The following ST18 variants were observed in gnomAD, a reference collection of about 807,000 sequenced individuals.
ST18 encodes the protein suppression of tumorigenicity 18 protein.
A neutral mutation model predicts 110.0 loss-of-function variants in ST18; 50 were observed. The ratio of observed to expected loss-of-function variants is 0.45; its 90% CI spans 0.36 to 0.58. ST18 has a LOEUF of 0.58. ST18 is among the 20% of genes least tolerant of loss of function. ST18 has a pLI of 0.00. For synonymous variants in ST18, 461 were observed against 452.4 expected (o/e 1.02, Z -0.24); for missense variants, 1,306 against 1,280.1 (o/e 1.02, Z -0.31).
intron 19 of ST18, among the ~76,000 whole-genome samples, chr8:52,135,734 T>C (rs2131711255): frequency 6.6e-6 from 1 of 152,124 alleles, no homozygotes; most frequent in Non-Finnish European, 1.5e-5. Context: ...TTTAAAATTT[T>C]TAGATAAAAA....
At chr8:52,204,946 T>A (rs1484387844) in intron 8 of ST18, among the ~76,000 whole-genome samples, 3 of 152,126 alleles carry the variant, frequency 2.0e-5, no homozygotes, top group Non-Finnish European at 4.4e-5. Flanking sequence ...CTGCTCTTAT[T>A]TTGTTTCTGA....
At chr8:52,341,276 C>T (rs1814872098) in intron 2 of ST18, among the ~76,000 whole-genome samples, 1 of 152,204 alleles carries the variant, frequency 6.6e-6, no homozygotes, top group Non-Finnish European at 1.5e-5. Flanking sequence ...ACAGGTCTTC[C>T]ACCTGGCTTC....
intron 2 of ST18, among the ~76,000 whole-genome samples, chr8:52,248,829 G>T (rs529592495): frequency 6.6e-6 from 1 of 152,254 alleles, no homozygotes; most frequent in African/African-American, 2.4e-5. Context: ...TTGTTTTCTT[G>T]TTTTGTTGTG....
chr8:52,315,607 C>A (rs1188247221), intron 2 of ST18, among the ~76,000 whole-genome samples: 1 of 151,298 alleles, frequency 6.6e-6, no homozygotes, highest in East Asian at 1.9e-4. Flanking sequence ...ATTTAGGTTC[C>A]ATTAGAGGAG....
At chr8:52,398,097 T>C (rs1841769620) in intron 2 of ST18, among the ~76,000 whole-genome samples, 1 of 152,150 alleles carries the variant, frequency 6.6e-6, no homozygotes, top group Non-Finnish European at 1.5e-5. Flanking sequence ...TATACCTTCT[T>C]CAATTTCTGT....
chr8:52,272,801 A>T (rs962207222), intron 2 of ST18, among the ~76,000 whole-genome samples: 1 of 152,232 alleles, frequency 6.6e-6, no homozygotes, highest in Non-Finnish European at 1.5e-5. Context: ...TTAAGATGTG[A>T]AAACAACCTT....
At chr8:52,211,395 T>TATC (rs1376830452) in intron 8 of ST18, among the ~76,000 whole-genome samples, 1 of 146,988 alleles carries the variant, frequency 6.8e-6, no homozygotes, top group East Asian at 2.0e-4. Flanking sequence ...TTATTATTAT[T>TATC]ATTATTATTA....
intron 2 of ST18, among the ~76,000 whole-genome samples, chr8:52,325,428 T>C (rs1490690926): frequency 1.4e-5 from 2 of 143,756 alleles, no homozygotes; most frequent in Non-Finnish European, 3.2e-5. Flanking sequence ...CAGAAATTCA[T>C]ATGTTTCTAC....
chr8:52,237,893 G>GTT, intron 2 of ST18, among the ~76,000 whole-genome samples: 1 of 152,118 alleles, frequency 6.6e-6, no homozygotes, highest in Non-Finnish European at 1.5e-5. Context: ...CCAATCAAAA[G>GTT]TGGGCAAAGG....
At chr8:52,210,670 A>C (rs1344458416) in intron 8 of ST18, among the ~76,000 whole-genome samples, 1 of 152,172 alleles carries the variant, frequency 6.6e-6, no homozygotes, top group African/African-American at 2.4e-5. Flanking sequence ...ACCATGTCTC[A>C]AAAAAATAAA....
chr8:52,382,390 T>TA (rs113297384), intron 2 of ST18, among the ~76,000 whole-genome samples: 2,365 of 152,144 alleles, frequency 0.016, 65 homozygotes, highest in African/African-American at 0.055. Flanking sequence ...GAAGCAAAAA[T>TA]AAAAAACACT....
intron 8 of ST18, among the ~76,000 whole-genome samples, chr8:52,181,761 C>T (rs928746484): frequency 6.6e-6 from 1 of 152,092 alleles, no homozygotes; most frequent in Admixed American, 6.6e-5. Flanking sequence ...GACTGCTCTG[C>T]TCATTTGTCA....
At chr8:52,137,583 T>TA (rs2052999003) in intron 17 of ST18, 100 bp from the exon 18 acceptor site, 2 of 1,166,480 alleles carry the variant, frequency 1.7e-6, no homozygotes, top group Non-Finnish European at 1.3e-6. Context: ...CTGTGCGAGA[T>TA]AAGTTAACAC....
chr8:52,266,396 A>G (rs2094870452), intron 2 of ST18, among the ~76,000 whole-genome samples: 2 of 152,156 alleles, frequency 1.3e-5, no homozygotes, highest in Non-Finnish European at 2.9e-5. Context: ...ACAAACTGCT[A>G]GTGAAATAGA....
intron 8 of ST18, among the ~76,000 whole-genome samples, chr8:52,196,413 C>T (rs1458009644): frequency 6.6e-6 from 1 of 152,232 alleles, no homozygotes; most frequent in Non-Finnish European, 1.5e-5. Flanking sequence ...TTCACATCCT[C>T]TGTTTTTATT....
intron 2 of ST18, among the ~76,000 whole-genome samples, chr8:52,262,910 C>A (rs768531984): frequency 1.3e-5 from 2 of 152,178 alleles, no homozygotes; most frequent in African/African-American, 4.8e-5. Flanking sequence ...AAGTGACTGT[C>A]TCCCAGAAAA....
intron 2 of ST18, among the ~76,000 whole-genome samples, chr8:52,310,135 T>C (rs2095879718): frequency 6.6e-6 from 1 of 152,194 alleles, no homozygotes; most frequent in South Asian, 2.1e-4. Context: ...ATGCTTAAAA[T>C]ATGGATTATA....
intron 16 of ST18, among the ~76,000 whole-genome samples, chr8:52,145,211 GA>G (rs1022182812): frequency 6.6e-6 from 1 of 152,046 alleles, no homozygotes; most frequent in Non-Finnish European, 1.5e-5. Flanking sequence ...TATAATTATG[GA>G]AGGCAAGAGA....
At chr8:52,165,964 C>T (rs1271351381) in intron 11 of ST18, among the ~76,000 whole-genome samples, 1 of 152,162 alleles carries the variant, frequency 6.6e-6, no homozygotes. Context: ...TAGCTCACAG[C>T]GGGGCTGAGG....
Sources: allele counts gnomAD v4.1 joint callset (sites outside exome capture counted in the v4.1 genomes callset), GRCh38; gene constraint gnomAD v4.1.1; transcripts MANE v1.5; gene names NCBI Gene and HGNC (gene_info 2026-07-23, HGNC 2026-07-21).